AGL: variants seen among roughly 807,000 people sequenced by gnomAD.
AGL encodes amylo-alpha-1,6-glucosidase and 4-alpha-glucanotransferase.
A neutral mutation model predicts 199.3 loss-of-function variants in AGL; 128 were observed. That is an observed-to-expected ratio of 0.64 (90% CI 0.56 to 0.74). The LOEUF (loss-of-function observed/expected upper bound fraction) is 0.74. Among genes scored for constraint, AGL ranks in the 30% least tolerant of loss-of-function variants. The pLI is 0.00. For missense variants in AGL, 1,809 were observed against 1,820.8 expected (o/e 0.99, Z 0.12); for synonymous variants, 584 against 594.7 (o/e 0.98, Z 0.26).
chr1:99,864,264 C>T, intron 4 of AGL, 122 bp from the exon 5 acceptor site: 1 of 882,684 alleles, frequency 1.1e-6, no homozygotes, highest in Non-Finnish European at 1.8e-6. Flanking sequence ...ACCTCTTTTC[C>T]AGTAGCATGC....
At chr1:99,905,722 C>T (rs2100833957) in intron 27 of AGL, among the ~76,000 whole-genome samples, 1 of 152,162 alleles carries the variant, frequency 6.6e-6, no homozygotes, top group African/African-American at 2.4e-5. Flanking sequence ...TACACGTGTG[C>T]ACCACTGAAC....
chr1:99,874,085 A>G (rs1651263278), intron 7 of AGL, among the ~76,000 whole-genome samples: 1 of 152,078 alleles, frequency 6.6e-6, no homozygotes, highest in South Asian at 2.1e-4. Flanking sequence ...ATGAAAAGGG[A>G]AAAAAAGTAT....
Position 99,881,446 on chromosome 1 carries a change from A to G in AGL, c.2156A>G (p.Gln719Arg). The G allele has an allele frequency of 6.2e-7, 1 of 1,614,100 alleles. No homozygotes were observed. The highest frequency in any genetic ancestry group is 8.5e-7 in the Non-Finnish European group (1 of 1,179,982). Residue 719 changes from glutamine to arginine, a missense_variant and splice_region_variant, in exon 16 of 34, where the codon CAG (glutamine) becomes CGG (arginine). Physicochemically the swap from Gln to Arg is conservative, Grantham distance 43. Transcript: ENST00000361915. ...HQELGAKGFI[Q>R]VYVDQVDEDI... Reference sequence around the variant, plus strand: ...GAGCTTGGAGCCAAGGGTTTTATTCAGGCAAGAAATAATTAAATTTGTTTC... The same window carrying G: ...GAGCTTGGAGCCAAGGGTTTTATTCGGGCAAGAAATAATTAAATTTGTTTC...
chr1:99,871,320 T>G (rs1244650186), intron 7 of AGL, among the ~76,000 whole-genome samples: 1 of 151,720 alleles, frequency 6.6e-6, no homozygotes, highest in Non-Finnish European at 1.5e-5. Flanking sequence ...ACCTAACCAC[T>G]AGTGATATTG....
intron 5 of AGL, among the ~76,000 whole-genome samples, chr1:99,870,057 C>T (rs4907900): frequency 0.03 from 4,574 of 152,268 alleles, 102 homozygotes; most frequent in Non-Finnish European, 0.048. Context: ...TATTTTAGCA[C>T]TTTCTCAACC....
chr1:99,869,852 G>A (rs1249467547), intron 5 of AGL, among the ~76,000 whole-genome samples: 1 of 152,026 alleles, frequency 6.6e-6, no homozygotes, highest in Non-Finnish European at 1.5e-5. Context: ...TAGATATAAG[G>A]TTTCACTGTG....
intron 27 of AGL, among the ~76,000 whole-genome samples, chr1:99,910,197 G>A (rs184354617): frequency 2.0e-4 from 31 of 152,206 alleles, no homozygotes; most frequent in African/African-American, 7.2e-4. Flanking sequence ...GCAAAATAAT[G>A]TACATTGTAC....
chr1:99,880,704 C>G lies in AGL; in HGVS notation c.1808C>G (p.Ser603Cys), dbSNP rs1186926444. The change falls in exon 14 of 34, where the codon TCC (serine) becomes TGC (cysteine). Residue 603 changes from serine to cysteine, a missense_variant. By Grantham distance (112) the Ser-to-Cys change is moderately radical. Transcript: ENST00000361915. ...CGATATGGAGGAGAACCTGTTGGATCCTTTGTTCAGCCCTGTTTGAGGCCT... is the reference window on the plus strand; with the variant it reads ...CGATATGGAGGAGAACCTGTTGGATGCTTTGTTCAGCCCTGTTTGAGGCCT... ...VYRYGGEPVG[S>C]FVQPCLRPLM... The G allele has an allele frequency of 6.2e-7, 1 of 1,614,002 alleles. No homozygotes were observed. The highest frequency in any genetic ancestry group is 1.1e-5 in the South Asian group (1 of 91,068).
intron 7 of AGL, 47 bp downstream of exon 7, chr1:99,870,916 A>G (rs372345429): frequency 2.5e-6 from 3 of 1,198,980 alleles, no homozygotes; most frequent in Non-Finnish European, 3.7e-6. Flanking sequence ...AAGAAATGTA[A>G]TATTATAAAG....
rs141944878 is a variant in AGL at position 99,880,771 on chromosome 1, G to A, written c.1875G>A (p.Thr625=). ...CACATGCCCTGTTTATGGATATTAC[G>A]CATGATAATGAGTGTCCTATTGTGG... ...AIAHALFMDI[T]HDNECPIVHR... is the part of the protein sequence containing the mutation. The change falls in exon 14 of 34, where the codon ACG becomes ACA. Residue 625 remains threonine, a synonymous_variant. Transcript: ENST00000361915. 3.5e-5 allele frequency: 57 copies of A among 1,613,892 alleles called. No homozygotes were observed. The South Asian group carries it at 4.4e-4, about 12-fold the overall frequency.
chr1:99,901,106 GTGT>G (rs1221630973), intron 26 of AGL, among the ~76,000 whole-genome samples: 2 of 152,046 alleles, frequency 1.3e-5, no homozygotes, highest in African/African-American at 4.8e-5. Context: ...TGTAGAGGAA[GTGT>G]TGTGTAGTCT....
At chr1:99,887,033 C>G (rs780560762) in intron 20 of AGL, among the ~76,000 whole-genome samples, 1 of 152,158 alleles carries the variant, frequency 6.6e-6, no homozygotes, top group African/African-American at 2.4e-5. Flanking sequence ...GGAGTTGATA[C>G]TGAGACTTCT....
intron 20 of AGL, 116 bp from the exon 21 acceptor site, chr1:99,887,862 C>A: frequency 1.7e-6 from 2 of 1,164,938 alleles, no homozygotes; most frequent in Non-Finnish European, 2.5e-6. Flanking sequence ...ATGCTGAGTT[C>A]CTAAAACATA....
intron 5 of AGL, 53 bp from the exon 6 acceptor site, chr1:99,870,347 T>C (rs1369961666): frequency 2.6e-6 from 4 of 1,545,430 alleles, no homozygotes; most frequent in Non-Finnish European, 2.7e-6. Context: ...TTAACATAGA[T>C]ACAGTTTCAA....
chr1:99,907,676 G>A lies in AGL; in HGVS notation c.3701-3036G>A, dbSNP rs144457896. Among the ~76,000 whole-genome samples the A allele has an allele frequency of 6.2e-3, 333 of 53,424 alleles. 2 individuals are homozygous for A. Among genetic ancestry groups the A allele is most frequent in the African/African-American group, 0.02 (312 of 15,818 alleles). The allele number at this position is 53,424 out of a possible 152,430, so 35.0% of individuals were successfully genotyped here. ...GTTGTTTTGGTTTTTGTTTTTGTTC[G>A]TTTGTTTTTGTTTTTTGTTTTTTTT... On this transcript the variant is annotated intron_variant, in intron 27 of 33. Transcript: ENST00000361915.
chr1:99,888,767 T>C (rs1652652501), intron 21 of AGL, among the ~76,000 whole-genome samples: 1 of 152,194 alleles, frequency 6.6e-6, no homozygotes, highest in African/African-American at 2.4e-5. Flanking sequence ...GTTCATATAG[T>C]TTTCACTTAT....
intron 23 of AGL, among the ~76,000 whole-genome samples, chr1:99,892,067 TAGG>T (rs1420704301): frequency 6.6e-6 from 1 of 152,126 alleles, no homozygotes; most frequent in Non-Finnish European, 1.5e-5. Context: ...TTTCATCAAT[TAGG>T]AGAAAAAATT....
At chr1:99,904,086 C>G (rs1299829287) in intron 27 of AGL, among the ~76,000 whole-genome samples, 2 of 152,074 alleles carry the variant, frequency 1.3e-5, no homozygotes, top group Non-Finnish European at 2.9e-5. Context: ...TCTTGAGAGC[C>G]TAGGCACTTA....
rs1651444913 is a variant in AGL at position 99,875,470 on chromosome 1, T to C, written c.1283+15T>C. On this transcript the variant is annotated intron_variant, in intron 10 of 33. Coordinates refer to ENST00000361915, the MANE Select transcript of AGL (RefSeq NM_000642.3). ...TTAGTTACCAGGTGTTGCATTTTTG[T>C]TTTTTTTCTTATTGATGGTTGAAAA... 1 of 1,608,970 alleles carries C rather than the reference T, an allele frequency of 6.2e-7. No individual in the cohort carries two copies. Among genetic ancestry groups the C allele is most frequent in the Non-Finnish European group, 8.5e-7 (1 of 1,175,570 alleles).
Sources: allele counts gnomAD v4.1 joint callset (sites outside exome capture counted in the v4.1 genomes callset), GRCh38; gene constraint gnomAD v4.1.1; transcripts MANE v1.5; gene names NCBI Gene and HGNC (gene_info 2026-07-23, HGNC 2026-07-21).